The following ADGB variants were observed in gnomAD, a reference collection of about 807,000 sequenced individuals.
ADGB encodes the protein androglobin, also known as calpain-7-like protein.
In ADGB, 172 loss-of-function variants were observed where a neutral mutation model predicts 210.5. The ratio of observed to expected loss-of-function variants is 0.82; its 90% CI spans 0.72 to 0.93. ADGB has a LOEUF of 0.93. Among genes scored for constraint, ADGB ranks in the 40% least tolerant of loss-of-function variants. The pLI is 0.00. For synonymous variants in ADGB, 658 were observed against 662.7 expected, an observed-to-expected ratio of 0.99 and a Z score of 0.11; for missense variants, 2,025 against 1,964.8, an observed-to-expected ratio of 1.03 and a Z score of -0.58.
At chr6:146,812,703 A>G (rs946376791) in intron 35 of ADGB, among the ~76,000 whole-genome samples, 1 of 152,232 alleles carries the variant, frequency 6.6e-6, no homozygotes. Flanking sequence ...CGTGAAATCT[A>G]ACAGACTTTA....
chr6:146,601,424 T>G (rs1197295566), intron 1 of ADGB, among the ~76,000 whole-genome samples: 1 of 152,194 alleles, frequency 6.6e-6, no homozygotes, highest in Non-Finnish European at 1.5e-5. Flanking sequence ...AATAATTGGA[T>G]GTTAAGTTCA....
intron 17 of ADGB, among the ~76,000 whole-genome samples, chr6:146,722,901 C>G (rs1311861802): frequency 6.6e-6 from 1 of 152,200 alleles, no homozygotes; most frequent in Non-Finnish European, 1.5e-5. Flanking sequence ...CACACAGGCA[C>G]ACACTCACAA....
intron 26 of ADGB, among the ~76,000 whole-genome samples, chr6:146,750,539 C>T (rs941237379): frequency 6.6e-6 from 1 of 151,998 alleles, no homozygotes; most frequent in Non-Finnish European, 1.5e-5. Context: ...CCTGTGTGAA[C>T]TTTTCCATAT....
intron 13 of ADGB, among the ~76,000 whole-genome samples, chr6:146,708,241 T>C (rs1447491735): frequency 6.6e-6 from 1 of 152,122 alleles, no homozygotes; most frequent in Non-Finnish European, 1.5e-5. Context: ...ACTAAAGATG[T>C]AAGTGATTTA....
At chr6:146,753,173 G>C (rs1777349546) in intron 27 of ADGB, among the ~76,000 whole-genome samples, 1 of 152,000 alleles carries the variant, frequency 6.6e-6, no homozygotes, top group Non-Finnish European at 1.5e-5. Context: ...AGTTATGTTA[G>C]TAACTTGATT....
At chr6:146,606,239 T>C (rs556802315) in intron 1 of ADGB, among the ~76,000 whole-genome samples, 1 of 152,212 alleles carries the variant, frequency 6.6e-6, no homozygotes, top group Non-Finnish European at 1.5e-5. Flanking sequence ...CCATTTTAAG[T>C]GGGGTTGCAT....
intron 27 of ADGB, among the ~76,000 whole-genome samples, chr6:146,757,778 C>T (rs1777429372): frequency 6.6e-6 from 1 of 151,726 alleles, no homozygotes; most frequent in Admixed American, 6.6e-5. Context: ...CCTTAGAGTG[C>T]TTTTTATTTG....
At chr6:146,802,776 C>G in intron 35 of ADGB, 1 of 1,602,568 alleles carries the variant, frequency 6.2e-7, no homozygotes, top group Non-Finnish European at 8.5e-7. Flanking sequence ...ACCAAATCCT[C>G]TTTAGTAGAT....
rs1432034665 is a variant in ADGB at position 146,775,892 on chromosome 6, T to C, written c.3863-6128T>C. ...AACTGTACTTGATAAATATATACTT[T>C]GTTCTAAACAAGTATTCTAGCTTAG... On this transcript the variant is annotated intron_variant, in intron 29 of 35. Transcript: ENST00000397944. 2.6e-5 allele frequency among the ~76,000 whole-genome samples: 4 copies of C among 152,056 alleles called. No individual in the cohort carries two copies. In the East Asian group the frequency reaches 5.8e-4, roughly 22 times the overall value.
At chr6:146,651,657 T>A (rs905817657) in intron 3 of ADGB, among the ~76,000 whole-genome samples, 1 of 152,156 alleles carries the variant, frequency 6.6e-6, no homozygotes, top group Non-Finnish European at 1.5e-5. Flanking sequence ...GGCCTGATAA[T>A]GGTAGACTAA....
intron 9 of ADGB, among the ~76,000 whole-genome samples, chr6:146,676,838 CT>C (rs1396525215): frequency 1.3e-5 from 2 of 152,196 alleles, no homozygotes; most frequent in Non-Finnish European, 2.9e-5. Context: ...CACAGTGGGC[CT>C]CCAGCTCTTT....
At position 146,676,360 on chromosome 6, in the gene ADGB, G is replaced by GA; in HGVS notation, c.1140dup (p.Glu381ArgfsTer48). 6.5e-7 allele frequency: 1 copy of GA among 1,549,130 alleles called. No homozygotes were observed. ...TGGAAAGAAGAGAAGCAAAGATGGA[G>GA]AAAAAGAAAAATTCAAATTCTCACT... On this transcript the variant is annotated frameshift_variant, in exon 9 of 36. Coordinates refer to ENST00000397944, the MANE Select transcript of ADGB (RefSeq NM_024694.4). LOFTEE classifies it high-confidence loss of function.
chr6:146,785,639 C>G lies in ADGB; in HGVS notation c.4242C>G (p.Ser1414Arg), dbSNP rs921428077. The change falls in exon 32 of 36, where the codon AGC (serine) becomes AGG (arginine). Residue 1414 changes from serine to arginine, a missense_variant. Physicochemically the swap from Ser to Arg is moderately radical, Grantham distance 110. Transcript: ENST00000397944. The stretch of plus-strand genomic sequence containing the variant: ...CTCAGGCTCGTTTGCATTACCTTAG[C>G]GGGTTCATTAAGAAAACATCTGATG... ...KASQARLHYL[S>R]GFIKKTSDAE... is the part of the protein sequence containing the mutation. 1.9e-6 allele frequency: 3 copies of G among 1,550,912 alleles called. No individual in the cohort carries two copies. Among genetic ancestry groups the G allele is most frequent in the East Asian group, 4.9e-5 (2 of 40,902 alleles).
rs888904658 is a variant in ADGB at position 146,692,900 on chromosome 6, C to T, written c.1562C>T (p.Thr521Ile). The T allele has an allele frequency of 6.6e-6, 10 of 1,512,248 alleles. No homozygotes were observed. The East Asian group carries it at 1.7e-4, about 26-fold the overall frequency. 93.7% of individuals were successfully genotyped at this position (1,512,248 alleles called of 1,614,324 possible). The change falls in exon 12 of 36, where the codon ACA becomes ATA. Residue 521 changes from threonine to isoleucine, a missense_variant. Physicochemically the swap from Thr to Ile is moderately conservative, Grantham distance 89. Coordinates refer to ENST00000397944, the MANE Select transcript of ADGB (RefSeq NM_024694.4). Reference sequence around the variant, plus strand: ...TTGAATTATAGAATGACTCCATTTACAATTCCAACAGAAATGTAAGTATTA... The same window carrying T: ...TTGAATTATAGAATGACTCCATTTATAATTCCAACAGAAATGTAAGTATTA... ...PFLNYRMTPF[T>I]IPTEMHFVRS... is the part of the protein sequence containing the mutation.
chr6:146,796,067 GA>G (rs975379769), intron 33 of ADGB, among the ~76,000 whole-genome samples: 3 of 151,700 alleles, frequency 2.0e-5, no homozygotes, highest in Admixed American at 1.3e-4. Context: ...ACCAAACTGA[GA>G]AAAAAATCAA....
At chr6:146,599,317 C>T (rs1172054869) in intron 1 of ADGB, among the ~76,000 whole-genome samples, 1 of 152,196 alleles carries the variant, frequency 6.6e-6, no homozygotes, top group African/African-American at 2.4e-5. Context: ...CTTCCTTTCC[C>T]AGAGCCCCTG....
intron 1 of ADGB, among the ~76,000 whole-genome samples, chr6:146,623,745 G>A (rs1385083987): frequency 6.6e-6 from 1 of 151,882 alleles, no homozygotes; most frequent in African/African-American, 2.4e-5. Context: ...CATTTATCAG[G>A]TTAAAGGAGT....
intron 35 of ADGB, chr6:146,807,378 G>C (rs774234402): frequency 1.3e-6 from 2 of 1,546,874 alleles, no homozygotes; most frequent in African/African-American, 1.4e-5. Context: ...GGAATTATTT[G>C]TTTGGGGTTT....
chr6:146,757,436 C>T (rs1777423812), intron 27 of ADGB, among the ~76,000 whole-genome samples: 1 of 151,744 alleles, frequency 6.6e-6, no homozygotes, highest in Non-Finnish European at 1.5e-5. Context: ...CTGTTTAATT[C>T]TGCATGGATC....
Sources: allele counts gnomAD v4.1 joint callset (sites outside exome capture counted in the v4.1 genomes callset), GRCh38; gene constraint gnomAD v4.1.1; transcripts MANE v1.5; gene names NCBI Gene and HGNC (gene_info 2026-07-23, HGNC 2026-07-21).